The following ZEB2 variants were observed in gnomAD, a reference collection of about 807,000 sequenced individuals.
The protein encoded by ZEB2 is zinc finger E-box-binding homeobox 2.
ZEB2 carries 6 observed loss-of-function variants against 99.9 expected under a neutral mutation model. The observed-to-expected ratio is 0.06, with a 90% CI of 0.03 to 0.12. ZEB2 has a LOEUF of 0.12. Among genes scored for constraint, ZEB2 ranks in the 10% least tolerant of loss-of-function variants. The pLI, the probability that ZEB2 is intolerant of heterozygous loss-of-function variation, is 1.00. For missense variants in ZEB2, 969 were observed against 1,502.8 expected, an observed-to-expected ratio of 0.64 and a Z score of 5.87; for synonymous variants, 517 against 542.5, an observed-to-expected ratio of 0.95 and a Z score of 0.65.
At chr2:144,440,485 GTATATATA>G (rs147950352) in intron 2 of ZEB2, among the ~76,000 whole-genome samples, 18 of 89,350 alleles carry the variant, frequency 2.0e-4, no homozygotes, top group East Asian at 6.6e-4. Flanking sequence ...CCCAAAAGCA[GTATATATA>G]TATATATATA....
intron 2 of ZEB2, among the ~76,000 whole-genome samples, chr2:144,515,528 G>GAT (rs1293485244): frequency 6.6e-6 from 1 of 151,800 alleles, no homozygotes; most frequent in Admixed American, 6.6e-5. Flanking sequence ...GAGAGAGAGA[G>GAT]AGGGAGAAAG....
At chr2:144,418,958 A>G (rs1015085628) in intron 4 of ZEB2, among the ~76,000 whole-genome samples, 1 of 152,144 alleles carries the variant, frequency 6.6e-6, no homozygotes, top group African/African-American at 2.4e-5. Context: ...CCTGTTCCCC[A>G]AAACCTATTG....
chr2:144,459,947 C>T (rs773049667), intron 2 of ZEB2, among the ~76,000 whole-genome samples: 1 of 152,122 alleles, frequency 6.6e-6, no homozygotes, highest in Non-Finnish European at 1.5e-5. Context: ...CATAGGCATG[C>T]AACATACTGG....
intron 2 of ZEB2, among the ~76,000 whole-genome samples, chr2:144,489,726 G>A (rs910776526): frequency 5.9e-5 from 9 of 152,214 alleles, no homozygotes; most frequent in African/African-American, 1.9e-4. Context: ...GCGCAGCAGC[G>A]AGGATGGCGA....
At position 144,385,674 on chromosome 2, in the gene ZEB2, C is replaced by T. The variant is rs1703071990; in HGVS notation, c.*3777G>A. 6.6e-6 allele frequency: 1 copy of T among 152,058 alleles called. No individual in the cohort carries two copies. 9.4% of individuals were successfully genotyped at this position (152,058 alleles called of 1,614,324 possible). ...GTGTGTATATCCAGGGCCCTACAGC[C>T]CCTGAATGGCCTCACACATCTTGGA... On this transcript the variant is annotated 3_prime_UTR_variant, in exon 10 of 10. Coordinates refer to ENST00000627532, the MANE Select transcript of ZEB2 (RefSeq NM_014795.4).
chr2:144,392,376 G>A (rs1703164561), intron 9 of ZEB2, among the ~76,000 whole-genome samples: 1 of 152,178 alleles, frequency 6.6e-6, no homozygotes, highest in Admixed American at 6.5e-5. Context: ...TCTGTTATAG[G>A]TTTCAAGGCC....
chr2:144,500,420 T>C (rs1704851272), intron 2 of ZEB2, among the ~76,000 whole-genome samples: 2 of 152,216 alleles, frequency 1.3e-5, no homozygotes, highest in African/African-American at 4.8e-5. Flanking sequence ...TTAGTAATTG[T>C]TTTTGGAAAA....
At chr2:144,457,356 A>G (rs963908336) in intron 2 of ZEB2, among the ~76,000 whole-genome samples, 1 of 152,158 alleles carries the variant, frequency 6.6e-6, no homozygotes, top group South Asian at 2.1e-4. Context: ...TAGAATCTGG[A>G]TCTGATTCCT....
intron 2 of ZEB2, chr2:144,503,743 T>A (rs958927852): frequency 6.6e-6 from 1 of 152,160 alleles, no homozygotes; most frequent in African/African-American, 2.4e-5. Context: ...TAAAGTGACC[T>A]TGTTGAGAGT....
Position 144,399,634 on chromosome 2 carries a change from T to C in ZEB2, c.1553A>G (p.His518Arg), listed in dbSNP as rs755990409. 2 of 1,614,226 alleles carry C rather than the reference T, an allele frequency of 1.2e-6. No homozygotes were observed. The highest frequency in any genetic ancestry group is 1.7e-6 in the Non-Finnish European group (2 of 1,180,030). ...AATAATACTTTTAGTGGCACCATTA[T>C]GACTCACTACCGGAAGACCGACAGG... ...IPPVGLPVVSHNGATKSIIDY... is the reference protein window; with the variant it reads ...IPPVGLPVVSRNGATKSIIDY... Residue 518 changes from histidine to arginine, a missense_variant, in exon 8 of 10, where the codon CAT (histidine) becomes CGT (arginine). This residue lies in a region of ZEB2 where 227 missense variants were observed against 278.2 expected (regional missense o/e 0.82). Transcript: ENST00000627532. The surrounding 1 kb of genome is among the most constrained non-coding windows in gnomAD (Gnocchi z 5.6).
intron 4 of ZEB2, among the ~76,000 whole-genome samples, chr2:144,406,116 C>T (rs931664105): frequency 6.6e-6 from 1 of 152,086 alleles, no homozygotes; most frequent in African/African-American, 2.4e-5. Flanking sequence ...ATTTGACATA[C>T]TAATTCTCTT....
chr2:144,414,911 T>C (rs971207364), intron 4 of ZEB2, among the ~76,000 whole-genome samples: 20 of 151,886 alleles, frequency 1.3e-4, no homozygotes, highest in African/African-American at 4.3e-4. Context: ...ACAATGAATA[T>C]GGGGGGAAGT....
chr2:144,424,557 G>C, intron 4 of ZEB2: 1 of 640,884 alleles, frequency 1.6e-6, no homozygotes, highest in Non-Finnish European at 2.8e-6. Flanking sequence ...TCCATTCATA[G>C]AGTTCAGTAT....
chr2:144,519,338 A>G (rs1416087728), intron 1 of ZEB2: 1 of 152,156 alleles, frequency 6.6e-6, no homozygotes, highest in Non-Finnish European at 1.5e-5. Context: ...ACACACATAC[A>G]CACACAAAGA....
intron 4 of ZEB2, among the ~76,000 whole-genome samples, chr2:144,410,392 C>T (rs56345457): frequency 0.018 from 2,772 of 151,998 alleles, 31 homozygotes; most frequent in Non-Finnish European, 0.03. Flanking sequence ...TTTATGGCTG[C>T]GTTAGATAGA....
At chr2:144,390,167 A>G in intron 9 of ZEB2, 139 bp from the exon 10 acceptor site, 1 of 935,900 alleles carries the variant, frequency 1.1e-6, no homozygotes, top group African/African-American at 1.6e-5. Flanking sequence ...GGTCTAATCG[A>G]TGGAGAGTTA....
chr2:144,429,248 A>G (rs2149890877), intron 3 of ZEB2: 1 of 161,510 alleles, frequency 6.2e-6, no homozygotes, highest in Admixed American at 6.1e-5. Context: ...TGACCAGGTA[A>G]AAGTGTGAAA....
intron 2 of ZEB2, among the ~76,000 whole-genome samples, chr2:144,436,501 T>C (rs1437777561): frequency 6.6e-6 from 1 of 152,188 alleles, no homozygotes; most frequent in African/African-American, 2.4e-5. Context: ...TGCAATGCCA[T>C]GGTTGCAGTG....
intron 6 of ZEB2, among the ~76,000 whole-genome samples, chr2:144,401,623 T>C (rs1703311842): frequency 6.6e-6 from 1 of 152,232 alleles, no homozygotes; most frequent in East Asian, 1.9e-4. Flanking sequence ...TTGTTTTTCG[T>C]GTTTACCACA....
Sources: allele counts gnomAD v4.1 joint callset (sites outside exome capture counted in the v4.1 genomes callset), GRCh38; gene constraint gnomAD v4.1.1; regional missense constraint gnomAD v4.1.1; non-coding constraint Gnocchi (gnomAD v3.1); transcripts MANE v1.5; gene names NCBI Gene and HGNC (gene_info 2026-07-23, HGNC 2026-07-21).